Variants in EPHA6 observed in about 807,000 individuals in gnomAD.
EPHA6 encodes EPH receptor A6.
In EPHA6, 50 loss-of-function variants were observed where a neutral mutation model predicts 112.0. That is an observed-to-expected ratio of 0.45 (90% CI 0.36 to 0.56). The LOEUF (loss-of-function observed/expected upper bound fraction) is 0.56, where lower values mean the gene tolerates loss of function less well. EPHA6 is among the 20% of genes least tolerant of loss of function. EPHA6 has a pLI of 0.00. For synonymous variants in EPHA6, 529 were observed against 490.7 expected, an observed-to-expected ratio of 1.08 and a Z score of -1.03; for missense variants, 1,280 against 1,417.4, an observed-to-expected ratio of 0.90 and a Z score of 1.56.
chr3:97,529,222 G>C (rs2092667225), intron 10 of EPHA6, among the ~76,000 whole-genome samples: 1 of 152,062 alleles, frequency 6.6e-6, no homozygotes, highest in Non-Finnish European at 1.5e-5. Context: ...AGGTTCAAAT[G>C]ACAACACTAC....
chr3:97,169,543 T>G lies in EPHA6; in HGVS notation c.1115-56721T>G, dbSNP rs916375294. 2.0e-5 allele frequency among the ~76,000 whole-genome samples: 3 copies of G among 152,142 alleles called. No homozygotes were observed. The East Asian group carries it at 5.8e-4, about 29-fold the overall frequency. ...GTATGATGTGGTTCCATTGTAAACT[T>G]CTTTAGAGGCTTATTAAAGCCTCTC... On this transcript the variant is annotated intron_variant, in intron 3 of 17. Transcript: ENST00000389672.
chr3:97,711,307 C>A (rs1180833636), intron 14 of EPHA6, among the ~76,000 whole-genome samples: 2 of 148,010 alleles, frequency 1.4e-5, no homozygotes, highest in African/African-American at 5.3e-5. Flanking sequence ...GTCCACTAAA[C>A]CTCTTTCTTT....
At chr3:97,737,189 C>A (rs947456854) in intron 16 of EPHA6, among the ~76,000 whole-genome samples, 2 of 152,068 alleles carry the variant, frequency 1.3e-5, no homozygotes, top group African/African-American at 4.8e-5. Context: ...GAAGGAAAGG[C>A]ACTTTGGATT....
At chr3:97,614,336 T>C (rs1055733819) in intron 13 of EPHA6, among the ~76,000 whole-genome samples, 1,270 of 74,768 alleles carry the variant, frequency 0.017, 47 homozygotes, top group Admixed American at 0.14. Context: ...TATACTTACT[T>C]TTTTTTTTTT....
At chr3:97,588,511 C>G (rs773675808) in intron 11 of EPHA6, among the ~76,000 whole-genome samples, 12 of 152,086 alleles carry the variant, frequency 7.9e-5, no homozygotes, top group Non-Finnish European at 1.3e-4. Flanking sequence ...TTTTTGCCAT[C>G]AAAAGTAAAT....
intron 16 of EPHA6, among the ~76,000 whole-genome samples, chr3:97,745,089 A>G (rs1383135774): frequency 6.6e-6 from 1 of 152,002 alleles, no homozygotes; most frequent in Non-Finnish European, 1.5e-5. Context: ...AAAATAATGT[A>G]GAAGCTATTC....
chr3:97,112,552 T>C lies in EPHA6; in HGVS notation c.1115-113712T>C, dbSNP rs190588501. ...TTGTTTCAAAGGTGATAGTTTCTGT[T>C]GTATCATAAGCACATGAAGAAAGTC... On this transcript the variant is annotated intron_variant, in intron 3 of 17. Coordinates refer to ENST00000389672, the MANE Select transcript of EPHA6 (RefSeq NM_001080448.3). Among the ~76,000 whole-genome samples, 14 of 152,302 alleles carry C rather than the reference T, an allele frequency of 9.2e-5. No individual in the cohort carries two copies. The East Asian group carries it at 2.7e-3, about 29-fold the overall frequency.
At chr3:97,515,450 T>C (rs1306842192) in intron 10 of EPHA6, among the ~76,000 whole-genome samples, 1 of 152,218 alleles carries the variant, frequency 6.6e-6, no homozygotes, top group Non-Finnish European at 1.5e-5. Context: ...ACAAAAATTT[T>C]TTTTATTACA....
At chr3:97,122,638 A>C (rs1336854137) in intron 3 of EPHA6, among the ~76,000 whole-genome samples, 1 of 152,120 alleles carries the variant, frequency 6.6e-6, no homozygotes, top group Non-Finnish European at 1.5e-5. Flanking sequence ...AATACTTACC[A>C]ATGATAAAAA....
intron 5 of EPHA6, among the ~76,000 whole-genome samples, chr3:97,294,316 A>G (rs926849537): frequency 1.4e-4 from 22 of 152,284 alleles, no homozygotes; most frequent in African/African-American, 4.6e-4. Context: ...CCAGATGGAC[A>G]GCTATCATAA....
At chr3:97,644,261 C>T (rs1255147472) in intron 14 of EPHA6, among the ~76,000 whole-genome samples, 1 of 150,064 alleles carries the variant, frequency 6.7e-6, no homozygotes, top group Non-Finnish European at 1.5e-5. Context: ...ACACAACATA[C>T]CAGAATCTCT....
chr3:97,511,045 A>ATTGGGGGGG (rs1353522273), intron 10 of EPHA6, among the ~76,000 whole-genome samples: 2 of 152,052 alleles, frequency 1.3e-5, no homozygotes, highest in Non-Finnish European at 1.5e-5. Context: ...CCCCCCCACC[A>ATTGGGGGGG]AGCTGGAGCA....
At position 97,314,285 on chromosome 3, in the gene EPHA6, A is replaced by G. The variant is rs75377042; in HGVS notation, c.1606+69998A>G. Reference sequence around the variant, plus strand: ...CTGTTTTGATTACAGTAGCTTTATAATCAGGGAGTGCAGTGTTTTCAGCTT... The same window carrying G: ...CTGTTTTGATTACAGTAGCTTTATAGTCAGGGAGTGCAGTGTTTTCAGCTT... On this transcript the variant is annotated intron_variant, in intron 5 of 17. Coordinates refer to ENST00000389672, the MANE Select transcript of EPHA6 (RefSeq NM_001080448.3). 9.2e-5 allele frequency among the ~76,000 whole-genome samples: 14 copies of G among 151,552 alleles called. No individual in the cohort carries two copies. The East Asian group carries it at 2.7e-3, about 29-fold the overall frequency.
rs552052516 is a variant in EPHA6, at chr3:97,521,886, A to T, written c.2201-10472A>T. On this transcript the variant is annotated intron_variant, in intron 10 of 17. Coordinates refer to ENST00000389672, the MANE Select transcript of EPHA6 (RefSeq NM_001080448.3). ...TCAATATGATCTGCAAAAGTGTAGG[A>T]TAGTGACTACCAAACTGTCTTCTGG... is the stretch of plus-strand genomic sequence containing the variant. Among the ~76,000 whole-genome samples, 444 of 149,880 alleles carry T rather than the reference A, an allele frequency of 3.0e-3. 1 individual carries two copies. The highest frequency in any genetic ancestry group is 5.1e-3 in the Non-Finnish European group (342 of 67,544).
At chr3:97,528,399 G>A (rs1560103023) in intron 10 of EPHA6, among the ~76,000 whole-genome samples, 1 of 152,132 alleles carries the variant, frequency 6.6e-6, no homozygotes, top group Non-Finnish European at 1.5e-5. Context: ...TCAAAGCTCA[G>A]CCTTTATCAC....
intron 5 of EPHA6, among the ~76,000 whole-genome samples, chr3:97,288,507 C>A (rs2080555799): frequency 6.6e-6 from 1 of 152,212 alleles, no homozygotes; most frequent in Middle Eastern, 3.4e-3. Flanking sequence ...CAAGCTGATA[C>A]CTTATCTTGC....
At chr3:97,550,557 G>A (rs1213911193) in intron 11 of EPHA6, among the ~76,000 whole-genome samples, 1 of 152,128 alleles carries the variant, frequency 6.6e-6, no homozygotes, top group African/African-American at 2.4e-5. Context: ...TCAGGCTATT[G>A]CAGCAACCAA....
intron 3 of EPHA6, among the ~76,000 whole-genome samples, chr3:97,036,280 C>G (rs1209841596): frequency 6.6e-6 from 1 of 151,918 alleles, no homozygotes; most frequent in Non-Finnish European, 1.5e-5. Flanking sequence ...TATTTTTGGT[C>G]AATTCCTATT....
At chr3:96,825,407 A>G (rs1042256411) in intron 1 of EPHA6, among the ~76,000 whole-genome samples, 2 of 151,890 alleles carry the variant, frequency 1.3e-5, no homozygotes, top group African/African-American at 4.8e-5. Context: ...CTTTAGATGA[A>G]CATAAAATTG....
Sources: allele counts gnomAD v4.1 joint callset (sites outside exome capture counted in the v4.1 genomes callset), GRCh38; gene constraint gnomAD v4.1.1; transcripts MANE v1.5; gene names NCBI Gene and HGNC (gene_info 2026-07-23, HGNC 2026-07-21).